Variants in GRIP1 observed in about 807,000 individuals in gnomAD.
GRIP1 encodes glutamate receptor-interacting protein 1.
GRIP1 carries 45 observed loss-of-function variants against 129.9 expected under a neutral mutation model. The observed-to-expected ratio is 0.35, with a 90% confidence interval of 0.27 to 0.44. The LOEUF (loss-of-function observed/expected upper bound fraction) is 0.44, where lower values mean the gene tolerates loss of function less well. Ranked by LOEUF, GRIP1 falls within the 20% of genes least tolerant of loss-of-function variation. The pLI, the probability that GRIP1 is intolerant of heterozygous loss-of-function variation, is 1.00. For missense variants in GRIP1, 1,196 were observed against 1,396.8 expected, an observed-to-expected ratio of 0.86 and a Z score of 2.29; for synonymous variants, 530 against 520.8, an observed-to-expected ratio of 1.02 and a Z score of -0.24.
upstream of GRIP1, among the ~76,000 whole-genome samples, chr12:66,806,502 A>C (rs892749536): frequency 6.6e-6 from 1 of 152,188 alleles, no homozygotes; most frequent in African/African-American, 2.4e-5. Flanking sequence ...TTTAACTCTT[A>C]AATTAGTAGA....
intron 1 of GRIP1, among the ~76,000 whole-genome samples, chr12:66,653,094 G>C (rs1222731789): frequency 6.6e-6 from 1 of 152,112 alleles, no homozygotes; most frequent in Non-Finnish European, 1.5e-5. Context: ...AGGTGTGATG[G>C]CTTTGTTGCT....
At chr12:66,403,313 T>C (rs768411934) in intron 16 of GRIP1, among the ~76,000 whole-genome samples, 32 of 152,100 alleles carry the variant, frequency 2.1e-4, no homozygotes, top group Admixed American at 7.2e-4. Flanking sequence ...TGAGTTCTTA[T>C]ATCATGTCTG....
intron 23 of GRIP1, among the ~76,000 whole-genome samples, chr12:66,354,662 A>T (rs1290538190): frequency 6.6e-6 from 1 of 152,242 alleles, no homozygotes; most frequent in African/African-American, 2.4e-5. Flanking sequence ...CAACTAATGC[A>T]TGAATACATT....
chr12:66,589,467 G>T (rs1055619087), intron 2 of GRIP1, among the ~76,000 whole-genome samples: 5 of 152,122 alleles, frequency 3.3e-5, no homozygotes, highest in African/African-American at 1.2e-4. Context: ...GAAGTTTTGT[G>T]GTTGTCAAAG....
chr12:66,517,525 C>A (rs2060881642), intron 6 of GRIP1, among the ~76,000 whole-genome samples: 1 of 152,156 alleles, frequency 6.6e-6, no homozygotes, highest in Admixed American at 6.6e-5. Flanking sequence ...GGCGAAGATG[C>A]ATTTCCAGCA....
chr12:66,730,840 TTC>T (rs1339156849), intron 1 of GRIP1, among the ~76,000 whole-genome samples: 5 of 152,146 alleles, frequency 3.3e-5, no homozygotes, highest in Admixed American at 1.3e-4. Flanking sequence ...TATATTACCT[TTC>T]TCTCTCTCTT....
At chr12:66,616,290 C>T (rs1437206699) in intron 1 of GRIP1, among the ~76,000 whole-genome samples, 1 of 151,874 alleles carries the variant, frequency 6.6e-6, no homozygotes, top group East Asian at 1.9e-4. Context: ...AATGGTGTTA[C>T]TAAAATGACA....
At chr12:66,626,388 C>T (rs2030050519) in intron 1 of GRIP1, among the ~76,000 whole-genome samples, 2 of 146,210 alleles carry the variant, frequency 1.4e-5, no homozygotes, top group Admixed American at 1.3e-4. Context: ...CTAAAAGAGT[C>T]AAACAAAAGT....
intron 1 of GRIP1, among the ~76,000 whole-genome samples, chr12:66,887,136 C>T (rs1169163707): frequency 2.6e-5 from 4 of 152,298 alleles, no homozygotes; most frequent in Admixed American, 6.5e-5. Context: ...TTGCTAACTG[C>T]GTCAGTGTAG....
chr12:66,940,902 A>G (rs1366360373), intron 1 of GRIP1, among the ~76,000 whole-genome samples: 1 of 152,210 alleles, frequency 6.6e-6, no homozygotes, highest in Non-Finnish European at 1.5e-5. Flanking sequence ...CTTTGTGGAA[A>G]AAAAGTGAGC....
At chr12:66,490,827 G>C (rs1486571753) in intron 7 of GRIP1, among the ~76,000 whole-genome samples, 1 of 152,040 alleles carries the variant, frequency 6.6e-6, no homozygotes, top group Non-Finnish European at 1.5e-5. Flanking sequence ...TCTAAAAGAA[G>C]ACATTCATGC....
At chr12:66,708,317 C>T (rs745881662) in intron 1 of GRIP1, among the ~76,000 whole-genome samples, 2 of 151,778 alleles carry the variant, frequency 1.3e-5, no homozygotes, top group Non-Finnish European at 2.9e-5. Context: ...GTAATAAAAA[C>T]TTAAAGAAAA....
At chr12:66,427,223 T>C (rs1334130679) in intron 14 of GRIP1, among the ~76,000 whole-genome samples, 1 of 152,162 alleles carries the variant, frequency 6.6e-6, no homozygotes, top group African/African-American at 2.4e-5. Flanking sequence ...CTTTGCCAAA[T>C]TTGGTTGCTG....
chr12:67,044,536 T>A (rs2043225111), intron 1 of GRIP1, among the ~76,000 whole-genome samples: 1 of 152,232 alleles, frequency 6.6e-6, no homozygotes, highest in Non-Finnish European at 1.5e-5. Context: ...AAGATAAAGC[T>A]ACTGTGAAAA....
intron 11 of GRIP1, among the ~76,000 whole-genome samples, chr12:66,451,925 T>C (rs1490180335): frequency 6.6e-6 from 1 of 152,216 alleles, no homozygotes; most frequent in Non-Finnish European, 1.5e-5. Flanking sequence ...CTTCCATTCT[T>C]TGTTCCCAGG....
chr12:67,038,852 A>G (rs535878500), intron 1 of GRIP1, among the ~76,000 whole-genome samples: 2 of 152,336 alleles, frequency 1.3e-5, no homozygotes, highest in South Asian at 4.1e-4. Flanking sequence ...GACTTTTAAA[A>G]ATATGATCAA....
At chr12:66,526,195 A>G (rs2061231872) in intron 5 of GRIP1, among the ~76,000 whole-genome samples, 1 of 150,756 alleles carries the variant, frequency 6.6e-6, no homozygotes, top group Non-Finnish European at 1.5e-5. Flanking sequence ...GTTCATATGG[A>G]ACCAAAAAAG....
chr12:66,803,269 G>C, intron 1 of GRIP1, among the ~76,000 whole-genome samples: 1 of 152,170 alleles, frequency 6.6e-6, no homozygotes, highest in Admixed American at 6.5e-5. Context: ...ATACATAACT[G>C]TCATCTTCCC....
rs1017007439 is a variant in GRIP1 at position 66,517,902 on chromosome 12, T to G, written c.577A>C (p.Arg193=). The G allele has an allele frequency of 1.3e-6, 2 of 1,499,186 alleles. No individual in the cohort carries two copies. Among genetic ancestry groups the G allele is most frequent in the African/African-American group, 2.8e-5 (2 of 72,716 alleles). The allele number at this position is 1,499,186 out of a possible 1,614,324, so 92.9% of individuals were successfully genotyped here. A position where few individuals can be genotyped will look rare whatever the true frequency, so the allele number is the denominator to read the frequency against. The change falls in exon 6 of 25, where the codon AGA becomes CGA. Residue 193 remains arginine, a splice_region_variant and synonymous_variant. Coordinates refer to ENST00000359742, the MANE Select transcript of GRIP1 (RefSeq NM_001366722.1). ...TCVRPGGPAD[R]EGTIKPGDRL... is the part of the protein sequence containing the mutation. ...GTGACACAGAAAGATAAAGTTTACCTGTCAGCAGGCCCTCCAGGACGAACA... is the reference window on the plus strand; with the variant it reads ...GTGACACAGAAAGATAAAGTTTACCGGTCAGCAGGCCCTCCAGGACGAACA...
Sources: allele counts gnomAD v4.1 joint callset (sites outside exome capture counted in the v4.1 genomes callset), GRCh38; gene constraint gnomAD v4.1.1; transcripts MANE v1.5; gene names NCBI Gene and HGNC (gene_info 2026-07-23, HGNC 2026-07-21).